The following AATK variants were observed in gnomAD, a reference collection of about 807,000 sequenced individuals.
AATK encodes the protein serine/threonine-protein kinase LMTK1.
A neutral mutation model predicts 114.3 loss-of-function variants in AATK; 91 were observed. The ratio of observed to expected loss-of-function variants is 0.80; its 90% CI spans 0.67 to 0.95. The LOEUF is 0.95. AATK is among the 40% of genes least tolerant of loss of function. AATK has a pLI of 0.00. For synonymous variants in AATK, 1,075 were observed against 916.5 expected (o/e 1.17, Z -3.12); for missense variants, 2,176 against 1,965.2 (o/e 1.11, Z -2.03).
Position 81,118,221 on chromosome 17 carries a change from T to G in AATK, c.*181A>C. Reference sequence around the variant, plus strand: ...TGCCTCTGGGGCGGAGCATGGCCGATCTACCATCCAGGGCCTCTCATCCCA... The same window carrying G: ...TGCCTCTGGGGCGGAGCATGGCCGAGCTACCATCCAGGGCCTCTCATCCCA... On this transcript the variant is annotated 3_prime_UTR_variant, in exon 14 of 14. Coordinates refer to ENST00000326724, the MANE Select transcript of AATK (RefSeq NM_001080395.3). The G allele has an allele frequency of 1.6e-6, 1 of 617,270 alleles. No individual in the cohort carries two copies. The highest frequency in any genetic ancestry group is 2.1e-5 in the South Asian group (1 of 48,674). 38.2% of individuals were successfully genotyped at this position (617,270 alleles called of 1,614,324 possible). A position where few individuals can be genotyped will look rare whatever the true frequency, so the allele number is the denominator to read the frequency against.
In AATK at chr17:81,147,485, T is replaced by A. The variant is rs148066971; in HGVS notation, c.56-12984A>T. The stretch of plus-strand genomic sequence containing the variant: ...TGAATTTAAGACTATGTTTTAGGCC[T>A]GGTAAGGTGGCTAACATCTGTAATC... On this transcript the variant is annotated intron_variant, in intron 1 of 13. Coordinates refer to ENST00000326724, the MANE Select transcript of AATK (RefSeq NM_001080395.3). Among the ~76,000 whole-genome samples, 948 of 152,320 alleles carry A rather than the reference T, an allele frequency of 6.2e-3. 4 individuals carry two copies. Among genetic ancestry groups the A allele is most frequent in the Non-Finnish European group, 0.011 (719 of 68,032 alleles).
chr17:81,160,180 AC>A, intron 1 of AATK: 2 of 852,222 alleles, frequency 2.3e-6, no homozygotes, highest in Non-Finnish European at 2.8e-6. Flanking sequence ...CACGGCCCCC[AC>A]CCCCAGGCTG....
At chr17:81,125,569 C>A (rs2060801603) in intron 7 of AATK, among the ~76,000 whole-genome samples, 1 of 152,196 alleles carries the variant, frequency 6.6e-6, no homozygotes, top group Non-Finnish European at 1.5e-5. Context: ...GCAGGTTACG[C>A]CTGGCACTAC....
In AATK at chr17:81,127,789, C is replaced by A; in HGVS notation, c.533+3G>T. On this transcript the variant is annotated splice_donor_region_variant and intron_variant, in intron 5 of 13. Transcript: ENST00000326724. ...CAGGCCTTTGTGCCCGGTGGCCTCC[C>A]ACCTGTAGGGCTGCACCTCCTCCAG... is the stretch of plus-strand genomic sequence containing the variant. 6.6e-7 allele frequency: 1 copy of A among 1,514,596 alleles called. No individual in the cohort carries two copies. Among genetic ancestry groups the A allele is most frequent in the Non-Finnish European group, 9.0e-7 (1 of 1,115,830 alleles). 93.8% of individuals were successfully genotyped at this position (1,514,596 alleles called of 1,614,324 possible).
intron 1 of AATK, among the ~76,000 whole-genome samples, chr17:81,148,906 TGAG>T (rs10593953): frequency 0.33 from 49,761 of 151,998 alleles, 8,252 homozygotes; most frequent in Non-Finnish European, 0.36. Context: ...ACCCTGCTAG[TGAG>T]GAGCTTGGGA....
intron 1 of AATK, among the ~76,000 whole-genome samples, chr17:81,140,177 G>A (rs540056405): frequency 2.6e-5 from 4 of 152,124 alleles, no homozygotes; most frequent in Non-Finnish European, 4.4e-5. Flanking sequence ...ACGTGCCACC[G>A]GGCCTGGCTG....
At chr17:81,119,678 GT>G in intron 12 of AATK, 98 bp from the exon 13 acceptor site, 1 of 803,846 alleles carries the variant, frequency 1.2e-6, no homozygotes, top group Non-Finnish European at 1.7e-6. Flanking sequence ...CTCCCATCAT[GT>G]CACGGGCCCA....
In AATK at chr17:81,145,451, G is replaced by A. The variant is rs546282487; in HGVS notation, c.56-10950C>T. Among the ~76,000 whole-genome samples, 27 of 152,078 alleles carry A rather than the reference G, an allele frequency of 1.8e-4. No homozygotes were observed. In the East Asian group the frequency reaches 1.9e-3, roughly 11 times the overall value. ...TTGGCTCCGTAAAAATGTCTGTTCC[G>A]GCTGGGCACAGTGGCTCACGCCTGT... On this transcript the variant is annotated intron_variant, in intron 1 of 13. Coordinates refer to ENST00000326724, the MANE Select transcript of AATK (RefSeq NM_001080395.3).
chr17:81,121,769 A>C lies in AATK; in HGVS notation c.2167T>G (p.Tyr723Asp). 2.0e-6 allele frequency: 3 copies of C among 1,533,274 alleles called. No individual in the cohort carries two copies. Among genetic ancestry groups the C allele is most frequent in the African/African-American group, 2.7e-5 (2 of 73,072 alleles). 95.0% of individuals were successfully genotyped at this position (1,533,274 alleles called of 1,614,324 possible). Residue 723 changes from tyrosine (Y) to aspartate (D), a missense_variant, in exon 11 of 14, where the codon TAC becomes GAC. Coordinates refer to ENST00000326724, the MANE Select transcript of AATK (RefSeq NM_001080395.3). ...AGCCCAAGCAGAGGCTCTCCAGGGT[A>C]CCCCGGCTCGGGGGAGGCCCGTGGG... ...QTPRASPEPG[Y>D]PGEPLLGLQA...
chr17:81,122,419 C>T lies in AATK; in HGVS notation c.1517G>A (p.Cys506Tyr). The T allele has an allele frequency of 1.4e-6, 2 of 1,461,614 alleles. No homozygotes were observed. The highest frequency in any genetic ancestry group is 9.0e-7 in the Non-Finnish European group (1 of 1,109,824). The allele number at this position is 1,461,614 out of a possible 1,614,324, so 90.5% of individuals were successfully genotyped here. ...GCCCGGGGGCGCGCCGTCGGGGGCG[C>T]ACAGCTCCTGCAGGCGTGCGGTGCG... ...PGRTARLQEL[C>Y]APDGAPPGVV... Residue 506 changes from cysteine (C) to tyrosine (Y), a missense_variant, in exon 11 of 14, where the codon TGC becomes TAC. Transcript: ENST00000326724.
chr17:81,158,443 G>A (rs77591286), intron 1 of AATK, among the ~76,000 whole-genome samples: 4 of 152,210 alleles, frequency 2.6e-5, no homozygotes, highest in Admixed American at 1.3e-4. Flanking sequence ...GGCGTGTGCC[G>A]GCTCCTGCCG....
At position 81,128,732 on chromosome 17, in the gene AATK, G is replaced by C. The variant is rs944067361; in HGVS notation, c.335-183C>G. 1.4e-5 allele frequency: 20 copies of C among 1,412,662 alleles called. No homozygotes were observed. The African/African-American group carries it at 2.7e-4, about 19-fold the overall frequency. The allele number at this position is 1,412,662 out of a possible 1,614,324, so 87.5% of individuals were successfully genotyped here. A position where few individuals can be genotyped will look rare whatever the true frequency, so the allele number is the denominator to read the frequency against. On this transcript the variant is annotated intron_variant, in intron 3 of 13. Transcript: ENST00000326724. ...GGGTCTCTTGAGAGCAGGGGCCGCT[G>C]CTTCCCAGAAAAGCCACGGAGCTGC...
intron 1 of AATK, 26 bp downstream of exon 1, chr17:81,165,912 C>A: frequency 1.3e-6 from 2 of 1,566,548 alleles, no homozygotes; most frequent in Non-Finnish European, 1.7e-6. Context: ...GGCAGCGGCG[C>A]GCAGGCCGGG....
chr17:81,151,289 T>TCCCC (rs202186943), intron 1 of AATK, among the ~76,000 whole-genome samples: 2 of 99,904 alleles, frequency 2.0e-5, no homozygotes, highest in African/African-American at 3.8e-5. Context: ...CCCACCTGTC[T>TCCCC]CCCCCACCGA....
Position 81,120,361 on chromosome 17 carries a change from G to A in AATK, c.3575C>T (p.Pro1192Leu). The change falls in exon 11 of 14, where the codon CCG (proline) becomes CTG (leucine). Residue 1192 changes from proline (P) to leucine (L), a missense_variant. Around this residue, in one of 4 missense-constraint regions of AATK, gnomAD observed 1,701 missense variants for 1,394.7 expected, o/e 1.22. Coordinates refer to ENST00000326724, the MANE Select transcript of AATK (RefSeq NM_001080395.3). ...CTCAGCCACCACCACGGGCACCGCC[G>A]GCGCCTCCTCTTCGCTGTCCTCGCT... The part of the protein sequence containing the change: ...EPSEDSEEEA[P>L]AVPVVVAESQ... The A allele has an allele frequency of 1.9e-6, 3 of 1,609,638 alleles. No individual in the cohort carries two copies. The highest frequency in any genetic ancestry group is 1.1e-5 in the South Asian group (1 of 90,898).
chr17:81,143,576 G>GC (rs1168299392), intron 1 of AATK, among the ~76,000 whole-genome samples: 5 of 146,372 alleles, frequency 3.4e-5, no homozygotes, highest in African/African-American at 7.7e-5. Flanking sequence ...CAGCCATGCA[G>GC]CCCCGCCTCC....
intron 1 of AATK, among the ~76,000 whole-genome samples, chr17:81,159,075 A>T (rs1049961153): frequency 1.3e-5 from 2 of 151,842 alleles, no homozygotes; most frequent in Non-Finnish European, 2.9e-5. Context: ...GGGGATGGGG[A>T]GTGATGCCCT....
intron 6 of AATK, among the ~76,000 whole-genome samples, chr17:81,127,131 G>T (rs565704151): frequency 6.7e-6 from 1 of 149,002 alleles, no homozygotes; most frequent in South Asian, 2.2e-4. Context: ...TCAGGGGGAG[G>T]GGGGGACAGG....
intron 13 of AATK, 129 bp downstream of exon 13, chr17:81,119,251 C>T (rs1283907440): frequency 2.2e-6 from 2 of 903,350 alleles, no homozygotes; most frequent in Admixed American, 4.7e-5. Flanking sequence ...GGAGCGGGGC[C>T]GGGAAGGAGC....
Sources: allele counts gnomAD v4.1 joint callset (sites outside exome capture counted in the v4.1 genomes callset), GRCh38; gene constraint gnomAD v4.1.1; regional missense constraint gnomAD v4.1.1; transcripts MANE v1.5; gene names NCBI Gene and HGNC (gene_info 2026-07-23, HGNC 2026-07-21).